Variants in CYBB observed in about 807,000 individuals in gnomAD.
CYBB encodes the protein NADPH oxidase 2.
In CYBB, 5 loss-of-function variants were observed where a neutral mutation model predicts 46.5. The observed-to-expected ratio is 0.11, with a 90% CI of 0.06 to 0.23. The LOEUF (loss-of-function observed/expected upper bound fraction) is 0.23, where lower values mean the gene tolerates loss of function less well. Among genes scored for constraint, CYBB ranks in the 10% least tolerant of loss-of-function variants. CYBB has a pLI of 1.00. For synonymous variants in CYBB, 183 were observed against 156.7 expected (o/e 1.17, Z -1.26); for missense variants, 307 against 428.3 (o/e 0.72, Z 2.50).
intron 7 of CYBB, 103 bp downstream of exon 7, chrX:37,799,187 T>A: frequency 1.6e-5 from 13 of 793,529 alleles, no homozygotes; most frequent in Non-Finnish European, 2.5e-5. Flanking sequence ...AGATGTCCAT[T>A]ACAAATGTCA....
At chrX:37,805,422 G>T (rs1556471301) in intron 10 of CYBB, among the ~76,000 whole-genome samples, 1 of 111,930 alleles carries the variant, frequency 8.9e-6, no homozygotes, top group Non-Finnish European at 1.9e-5. Context: ...AAGAAAGAAA[G>T]TTGGGAAAGT....
At chrX:37,788,166 T>A (rs1342245046) in intron 3 of CYBB, among the ~76,000 whole-genome samples, 5 of 112,011 alleles carry the variant, frequency 4.5e-5, no homozygotes, top group African/African-American at 1.6e-4. Context: ...TATTTTACAT[T>A]TTTTATGATC....
intron 5 of CYBB, among the ~76,000 whole-genome samples, chrX:37,795,504 T>A (rs1365814009): frequency 1.8e-5 from 2 of 111,902 alleles, no homozygotes; most frequent in Non-Finnish European, 3.8e-5. Context: ...GCCCATGAAG[T>A]CTCATCTCAG....
intron 5 of CYBB, among the ~76,000 whole-genome samples, chrX:37,795,453 C>T (rs1208112781): frequency 8.9e-6 from 1 of 111,823 alleles, no homozygotes; most frequent in African/African-American, 3.3e-5. Context: ...TCCCTACTCT[C>T]TTACCAGTTT....
chrX:37,783,714 T>C (rs1409326424), intron 3 of CYBB, 114 bp downstream of exon 3: 1 of 536,295 alleles, frequency 1.9e-6, no homozygotes, highest in Non-Finnish European at 3.3e-6. Flanking sequence ...TTCTGTAGAA[T>C]ACTCATGAGC....
intron 12 of CYBB, among the ~76,000 whole-genome samples, chrX:37,809,989 A>G (rs1037957310): frequency 1.8e-5 from 2 of 111,732 alleles, no homozygotes; most frequent in African/African-American, 6.5e-5. Flanking sequence ...AGTCACCTAA[A>G]TTTCATTAGT....
chrX:37,803,828 C>T, intron 8 of CYBB, 49 bp from the exon 9 acceptor site: 2 of 1,195,419 alleles, frequency 1.7e-6, no homozygotes, highest in Non-Finnish European at 2.3e-6. Flanking sequence ...ACTAAAAAGG[C>T]AAGTATTTAG....
chrX:37,797,473 C>G (rs782096891), intron 6 of CYBB, among the ~76,000 whole-genome samples: 1 of 111,638 alleles, frequency 9.0e-6, no homozygotes, highest in Non-Finnish European at 1.9e-5. Context: ...GCTCTTTACA[C>G]TGGTTAGGTG....
At chrX:37,798,649 T>G (rs1556469076) in intron 6 of CYBB, among the ~76,000 whole-genome samples, 3 of 112,354 alleles carry the variant, frequency 2.7e-5, no homozygotes, top group African/African-American at 9.7e-5. Flanking sequence ...TGCTTTTGTT[T>G]GTTTGTAAAT....
At chrX:37,807,534 G>C (rs1320984690) in intron 11 of CYBB, among the ~76,000 whole-genome samples, 1 of 109,813 alleles carries the variant, frequency 9.1e-6, no homozygotes, top group African/African-American at 3.3e-5. Context: ...CTATGAAGTA[G>C]CTCTTATTAT....
chrX:37,811,001 C>A lies in CYBB; in HGVS notation c.*84C>A. 1 of 912,875 alleles carries A rather than the reference C, an allele frequency of 1.1e-6. No homozygotes were observed. Among genetic ancestry groups the A allele is most frequent in the Non-Finnish European group, 1.6e-6 (1 of 644,110 alleles). The allele number at this position is 912,875 out of a possible 1,213,427, so 75.2% of individuals were successfully genotyped here. A position where few individuals can be genotyped will look rare whatever the true frequency, so the allele number is the denominator to read the frequency against. ...TAATTGATAATATAAATACCCCCTG[C>A]TTAAAAATGGACAAAAAGAAACTAT... On this transcript the variant is annotated 3_prime_UTR_variant, in exon 13 of 13. Coordinates refer to ENST00000378588, the MANE Select transcript of CYBB (RefSeq NM_000397.4).
At chrX:37,786,920 T>G (rs1431902464) in intron 3 of CYBB, among the ~76,000 whole-genome samples, 9 of 110,769 alleles carry the variant, frequency 8.1e-5, no homozygotes, top group African/African-American at 3.0e-4. Context: ...TTTTTTTAGT[T>G]GAAAAACAGG....
At chrX:37,809,811 T>G in intron 12 of CYBB, 120 bp downstream of exon 12, 1 of 725,965 alleles carries the variant, frequency 1.4e-6, no homozygotes, top group Non-Finnish European at 2.0e-6. Context: ...ATATAAAGAT[T>G]GAATTCATGC....
chrX:37,805,307 G>A (rs1474724296), intron 10 of CYBB, 139 bp downstream of exon 10: 4 of 589,136 alleles, frequency 6.8e-6, no homozygotes, highest in Non-Finnish European at 1.1e-5. Flanking sequence ...AGAGAGACAG[G>A]CTTTTCTTCA....
At chrX:37,790,192 A>G (rs781846524) in intron 3 of CYBB, among the ~76,000 whole-genome samples, 5 of 112,247 alleles carry the variant, frequency 4.5e-5, no homozygotes, top group South Asian at 3.7e-4. Flanking sequence ...ATCGAGCCCA[A>G]TGATATGATA....
Position 37,810,862 on chromosome X carries a change from A to G in CYBB, c.1658A>G (p.Asn553Ser). Reference protein sequence around the residue: ...AETLSKQSISNSESGPRGVHF... With the variant: ...AETLSKQSISSSESGPRGVHF... Reference sequence around the variant, plus strand: ...ACCCTGAGTAAACAAAGCATCTCCAACTCTGAGTCTGGCCCTCGGGGAGTG... The same window carrying G: ...ACCCTGAGTAAACAAAGCATCTCCAGCTCTGAGTCTGGCCCTCGGGGAGTG... Residue 553 changes from asparagine (N) to serine (S), a missense_variant, in exon 13 of 13, where the codon AAC becomes AGC. Transcript: ENST00000378588. 8.3e-7 allele frequency: 1 copy of G among 1,207,356 alleles called. No individual in the cohort carries two copies. Among genetic ancestry groups the G allele is most frequent in the Non-Finnish European group, 1.1e-6 (1 of 891,739 alleles).
At chrX:37,808,221 A>G (rs782552323) in intron 11 of CYBB, among the ~76,000 whole-genome samples, 4 of 111,931 alleles carry the variant, frequency 3.6e-5, no homozygotes, top group East Asian at 2.8e-4. Context: ...CAAGACACCA[A>G]CAGGTTTGGT....
At position 37,804,113 on chromosome X, in the gene CYBB, T is replaced by C. The variant is rs1556470851; in HGVS notation, c.1134T>C (p.Asp378=). 1 of 1,210,577 alleles carries C rather than the reference T, an allele frequency of 8.3e-7. No homozygotes were observed. The highest frequency in any genetic ancestry group is 1.8e-5 in the South Asian group (1 of 56,967). ...GCTGTGATAAGCAGGAGTTTCAAGA[T>C]GCGTGGAAACTACCTAAGTGAGTAA... ...ACGCDKQEFQ[D]AWKLPKIAVD... Residue 378 remains aspartate, a synonymous_variant, in exon 9 of 13, where the codon GAT becomes GAC. Transcript: ENST00000378588.
At chrX:37,790,661 C>G (rs1041714085) in intron 3 of CYBB, among the ~76,000 whole-genome samples, 2 of 111,535 alleles carry the variant, frequency 1.8e-5, no homozygotes, top group African/African-American at 6.5e-5. Flanking sequence ...CTAGTTATGG[C>G]TAACTGAGAG....
Sources: gnomAD v4.1 joint callset for allele counts (sites outside exome capture counted in the v4.1 genomes callset) on GRCh38, gnomAD v4.1.1 for gene constraint, MANE v1.5 for transcripts, NCBI Gene and HGNC (gene_info 2026-07-23, HGNC 2026-07-21) for gene names.